The following PTPRM variants were observed in gnomAD, a reference collection of about 807,000 sequenced individuals.
PTPRM encodes the protein protein tyrosine phosphatase receptor type M.
In PTPRM, 47 loss-of-function variants were observed where a neutral mutation model predicts 186.7. That is an observed-to-expected ratio of 0.25 (90% CI 0.20 to 0.32). The LOEUF (loss-of-function observed/expected upper bound fraction) is 0.32. Ranked by LOEUF, PTPRM falls within the 10% of genes least tolerant of loss-of-function variation. The probability of loss-of-function intolerance (pLI) is 1.00; values close to 1 mark genes in which losing one functional copy is unlikely to be tolerated. For missense variants in PTPRM, 1,494 were observed against 1,865.0 expected, an observed-to-expected ratio of 0.80 and a Z score of 3.66; for synonymous variants, 668 against 674.9, an observed-to-expected ratio of 0.99 and a Z score of 0.16.
intron 1 of PTPRM, among the ~76,000 whole-genome samples, chr18:7,733,466 T>G (rs2040704133): frequency 6.6e-6 from 1 of 152,192 alleles, no homozygotes; most frequent in Admixed American, 6.5e-5. Flanking sequence ...GTGCCACATT[T>G]TCTTTATTCA....
chr18:7,936,220 C>T (rs1302081649), intron 5 of PTPRM, among the ~76,000 whole-genome samples: 1 of 152,186 alleles, frequency 6.6e-6, no homozygotes, highest in East Asian at 1.9e-4. Context: ...ACCCAGCATC[C>T]CTGTGCTCTT....
chr18:7,939,863 G>A (rs1057436421), intron 5 of PTPRM, among the ~76,000 whole-genome samples: 1 of 152,132 alleles, frequency 6.6e-6, no homozygotes, highest in Non-Finnish European at 1.5e-5. Context: ...AGTGCTTGAC[G>A]GGGCTGCCTG....
intron 1 of PTPRM, among the ~76,000 whole-genome samples, chr18:7,763,413 G>A (rs2041872293): frequency 6.6e-6 from 1 of 152,150 alleles, no homozygotes; most frequent in Non-Finnish European, 1.5e-5. Flanking sequence ...TCTGTCATAT[G>A]CCCCTTCCTT....
chr18:8,006,213 G>C (rs1020260071), intron 7 of PTPRM, among the ~76,000 whole-genome samples: 1 of 152,168 alleles, frequency 6.6e-6, no homozygotes, highest in Admixed American at 6.5e-5. Flanking sequence ...GTGATTACTA[G>C]CTCATATCTT....
chr18:7,774,784 A>G (rs2042499877), intron 2 of PTPRM, among the ~76,000 whole-genome samples: 1 of 152,208 alleles, frequency 6.6e-6, no homozygotes, highest in Non-Finnish European at 1.5e-5. Flanking sequence ...ATGTTTAGTG[A>G]ATTTCTGATG....
At chr18:8,353,275 G>T (rs751831745) in intron 23 of PTPRM, among the ~76,000 whole-genome samples, 3 of 152,188 alleles carry the variant, frequency 2.0e-5, no homozygotes, top group Non-Finnish European at 4.4e-5. Flanking sequence ...AGGAAGGAAG[G>T]AGAGGTAGCA....
At chr18:7,791,691 T>C (rs1287115864) in intron 2 of PTPRM, among the ~76,000 whole-genome samples, 1 of 152,176 alleles carries the variant, frequency 6.6e-6, no homozygotes, top group African/African-American at 2.4e-5. Context: ...TCTGCCCCAC[T>C]TGGCCTTAGA....
intron 7 of PTPRM, among the ~76,000 whole-genome samples, chr18:7,986,821 TA>T (rs1473309798): frequency 6.6e-6 from 1 of 152,176 alleles, no homozygotes; most frequent in Non-Finnish European, 1.5e-5. Flanking sequence ...TATATTTGGA[TA>T]GGGTCTTTAA....
intron 14 of PTPRM, among the ~76,000 whole-genome samples, chr18:8,240,834 G>GA (rs755951222): frequency 0.043 from 5,360 of 125,630 alleles, 236 homozygotes; most frequent in Non-Finnish European, 0.061. Context: ...GAGAAAGAAA[G>GA]AAAGAAAGAA....
At chr18:8,052,892 A>C (rs1047878571) in intron 7 of PTPRM, among the ~76,000 whole-genome samples, 3 of 152,178 alleles carry the variant, frequency 2.0e-5, no homozygotes, top group Non-Finnish European at 4.4e-5. Flanking sequence ...TATAGAATGG[A>C]ATTTACTTTG....
intron 23 of PTPRM, among the ~76,000 whole-genome samples, chr18:8,355,100 C>A (rs944930326): frequency 3.3e-5 from 5 of 152,172 alleles, no homozygotes; most frequent in African/African-American, 1.2e-4. Context: ...TGCATTCACA[C>A]CACTCAATGT....
intron 9 of PTPRM, among the ~76,000 whole-genome samples, chr18:8,084,357 C>T (rs562246765): frequency 2.0e-5 from 3 of 152,268 alleles, no homozygotes; most frequent in East Asian, 1.9e-4. Context: ...ACATCGCTGA[C>T]GTCCTTCGCT....
intron 1 of PTPRM, among the ~76,000 whole-genome samples, chr18:7,629,432 C>G (rs1392055802): frequency 1.3e-5 from 2 of 152,152 alleles, no homozygotes; most frequent in African/African-American, 4.8e-5. Flanking sequence ...TGTTTTCATT[C>G]ATTAGATTTA....
At chr18:8,353,547 A>G (rs944119183) in intron 23 of PTPRM, among the ~76,000 whole-genome samples, 3 of 152,068 alleles carry the variant, frequency 2.0e-5, no homozygotes, top group Non-Finnish European at 2.9e-5. Context: ...TGGTGCTGAT[A>G]AGGAAGGAGG....
At chr18:7,635,377 A>G (rs2038288623) in intron 1 of PTPRM, among the ~76,000 whole-genome samples, 1 of 152,174 alleles carries the variant, frequency 6.6e-6, no homozygotes, top group African/African-American at 2.4e-5. Context: ...TCTTGATTTA[A>G]TGCACTGATA....
At chr18:8,162,881 G>A (rs2093257370) in intron 14 of PTPRM, among the ~76,000 whole-genome samples, 1 of 152,154 alleles carries the variant, frequency 6.6e-6, no homozygotes, top group Admixed American at 6.5e-5. Context: ...ACAGCCTGGC[G>A]AGCTGATGTG....
chr18:7,865,548 G>A (rs1467765799), intron 2 of PTPRM, among the ~76,000 whole-genome samples: 5 of 152,166 alleles, frequency 3.3e-5, no homozygotes, highest in African/African-American at 9.7e-5. Context: ...CTTGATCATG[G>A]TGGATAAGCT....
intron 1 of PTPRM, among the ~76,000 whole-genome samples, chr18:7,657,753 G>C (rs1379196561): frequency 1.3e-5 from 2 of 152,194 alleles, no homozygotes; most frequent in African/African-American, 4.8e-5. Flanking sequence ...GAAATGAAAA[G>C]GTGTTGCATT....
intron 1 of PTPRM, among the ~76,000 whole-genome samples, chr18:7,595,976 C>T (rs1225954407): frequency 6.6e-6 from 1 of 152,132 alleles, no homozygotes; most frequent in Non-Finnish European, 1.5e-5. Flanking sequence ...ACTTGTTTGA[C>T]AAAAGATGGT....
Sources: gnomAD v4.1 joint callset for allele counts (sites outside exome capture counted in the v4.1 genomes callset) on GRCh38, gnomAD v4.1.1 for gene constraint, MANE v1.5 for transcripts, NCBI Gene and HGNC (gene_info 2026-07-23, HGNC 2026-07-21) for gene names.